The following FANCC variants were observed in gnomAD, a reference collection of about 807,000 sequenced individuals.
The protein encoded by FANCC is FA complementation group C, also known as Fanconi anemia group C protein.
A neutral mutation model predicts 71.3 loss-of-function variants in FANCC; 55 were observed. The observed-to-expected ratio is 0.77, with a 90% CI of 0.62 to 0.97. The LOEUF (loss-of-function observed/expected upper bound fraction) is 0.97. Among genes scored for constraint, FANCC ranks in the 50% least tolerant of loss-of-function variants. The pLI is 0.00. For missense variants in FANCC, 678 were observed against 670.9 expected (o/e 1.01, Z -0.12); for synonymous variants, 275 against 244.9 (o/e 1.12, Z -1.15).
chr9:95,242,479 C>CAAA (rs1162048314), intron 3 of FANCC, among the ~76,000 whole-genome samples: 50 of 56,064 alleles, frequency 8.9e-4, no homozygotes, highest in Admixed American at 1.6e-3. Flanking sequence ...CATTCACCAC[C>CAAA]AAAAAAAAAA....
intron 13 of FANCC, chr9:95,110,475 T>TAATC: frequency 9.7e-7 from 1 of 1,030,312 alleles, no homozygotes; most frequent in Non-Finnish European, 1.2e-6. Flanking sequence ...GCTTTCTTTT[T>TAATC]AATCAGACAG....
chr9:95,249,929 C>A (rs1831224833), intron 1 of FANCC, among the ~76,000 whole-genome samples: 1 of 152,140 alleles, frequency 6.6e-6, no homozygotes, highest in Non-Finnish European at 1.5e-5. Flanking sequence ...TTTAAGCAAT[C>A]TTTTAACTAA....
chr9:95,200,111 A>G (rs1440483072), intron 4 of FANCC, among the ~76,000 whole-genome samples: 1 of 152,194 alleles, frequency 6.6e-6, no homozygotes, highest in Non-Finnish European at 1.5e-5. Flanking sequence ...AGATGAATGC[A>G]AACAGATGCT....
intron 4 of FANCC, among the ~76,000 whole-genome samples, chr9:95,235,431 A>G (rs1830256965): frequency 6.6e-6 from 1 of 152,256 alleles, no homozygotes; most frequent in Non-Finnish European, 1.5e-5. Flanking sequence ...TTACCACCTT[A>G]CACCACACCA....
In FANCC at chr9:95,107,098, C is replaced by T. The variant is rs746540247; in HGVS notation, c.1501G>A (p.Gly501Ser). 13 of 1,614,188 alleles carry T rather than the reference C, an allele frequency of 8.1e-6. No individual in the cohort carries two copies. Among genetic ancestry groups the T allele is most frequent in the Non-Finnish European group, 1.1e-5 (13 of 1,180,032 alleles). ...LLNFLLWAPG[G>S]HTIAWDVITL... Reference sequence around the variant, plus strand: ...ATGACATCCCAGGCGATCGTGTGGCCTCCAGGAGCCCAGAGCAGGAAGTTG... The same window carrying T: ...ATGACATCCCAGGCGATCGTGTGGCTTCCAGGAGCCCAGAGCAGGAAGTTG... The change falls in exon 14 of 15, where the codon GGC becomes AGC. Residue 501 changes from glycine (G) to serine (S), a missense_variant. Transcript: ENST00000289081.
Position 95,125,215 on chromosome 9 carries a change from G to A in FANCC, c.897-30C>T, listed in dbSNP as rs546114675. The A allele has an allele frequency of 1.2e-4, 193 of 1,559,956 alleles. No individual in the cohort carries two copies. The East Asian group carries it at 4.0e-3, about 32-fold the overall frequency. Reference sequence around the variant, plus strand: ...ACAATGCAAAGTCAGATCAGAACACGTTTAACAAGTAATCCGGCAAACATG... The same window carrying A: ...ACAATGCAAAGTCAGATCAGAACACATTTAACAAGTAATCCGGCAAACATG... On this transcript the variant is annotated intron_variant, in intron 9 of 14. Coordinates refer to ENST00000289081, the MANE Select transcript of FANCC (RefSeq NM_000136.3).
At chr9:95,189,191 G>GT (rs369728744) in intron 4 of FANCC, among the ~76,000 whole-genome samples, 2,178 of 148,964 alleles carry the variant, frequency 0.015, 61 homozygotes, top group African/African-American at 0.047. Context: ...TGCCTTCAAT[G>GT]TTTTTTTTTT....
intron 4 of FANCC, among the ~76,000 whole-genome samples, chr9:95,207,770 C>T (rs977944545): frequency 3.3e-5 from 5 of 152,096 alleles, no homozygotes; most frequent in African/African-American, 1.2e-4. Context: ...TAAGAAACAA[C>T]ACAAAGCTGC....
chr9:95,207,255 T>C (rs934086485), intron 4 of FANCC, among the ~76,000 whole-genome samples: 2 of 151,738 alleles, frequency 1.3e-5, no homozygotes, highest in African/African-American at 4.8e-5. Flanking sequence ...AAAGAAACCA[T>C]AAAGAAGAAA....
intron 4 of FANCC, among the ~76,000 whole-genome samples, chr9:95,213,328 CAA>C (rs550192375): frequency 1.6e-3 from 243 of 152,132 alleles, no homozygotes; most frequent in African/African-American, 5.5e-3. Flanking sequence ...AACCATCAAT[CAA>C]AAGAGTTAGA....
chr9:95,218,093 A>G (rs908158435), intron 4 of FANCC, among the ~76,000 whole-genome samples: 1 of 152,222 alleles, frequency 6.6e-6, no homozygotes, highest in African/African-American at 2.4e-5. Context: ...AGGAACCTGC[A>G]ATTTAAAAAC....
At chr9:95,152,842 G>A (rs1247152347) in intron 6 of FANCC, among the ~76,000 whole-genome samples, 2 of 150,350 alleles carry the variant, frequency 1.3e-5, no homozygotes, top group Non-Finnish European at 2.9e-5. Context: ...GTATGCCAGC[G>A]ATGTCCAATC....
At chr9:95,132,103 T>G (rs1012473388) in intron 8 of FANCC, among the ~76,000 whole-genome samples, 1 of 152,190 alleles carries the variant, frequency 6.6e-6, no homozygotes, top group Non-Finnish European at 1.5e-5. Flanking sequence ...TCCTTTCTTT[T>G]GGGGACAAGT....
intron 4 of FANCC, among the ~76,000 whole-genome samples, chr9:95,184,323 T>C (rs987654123): frequency 3.3e-5 from 5 of 151,814 alleles, no homozygotes; most frequent in Admixed American, 3.3e-4. Context: ...ATGGTGAAAA[T>C]TGGCCAATTT....
intron 4 of FANCC, among the ~76,000 whole-genome samples, chr9:95,180,689 T>C (rs1330418196): frequency 1.3e-5 from 2 of 151,850 alleles, no homozygotes; most frequent in African/African-American, 4.8e-5. Context: ...ACAAAAAGTA[T>C]AGTATGTTAA....
chr9:95,143,478 G>A (rs180787498), intron 7 of FANCC, among the ~76,000 whole-genome samples: 5 of 152,242 alleles, frequency 3.3e-5, no homozygotes, highest in Admixed American at 2.0e-4. Context: ...CTACACTCAG[G>A]TGTGGTGAAA....
At chr9:95,178,206 T>G (rs1826131676) in intron 4 of FANCC, among the ~76,000 whole-genome samples, 1 of 152,188 alleles carries the variant, frequency 6.6e-6, no homozygotes, top group African/African-American at 2.4e-5. Context: ...GGCAACTCAC[T>G]GTCCACAAGG....
At chr9:95,223,716 C>T (rs1413876200) in intron 4 of FANCC, among the ~76,000 whole-genome samples, 1 of 152,224 alleles carries the variant, frequency 6.6e-6, no homozygotes, top group Admixed American at 6.5e-5. Context: ...GTGGCTCACA[C>T]CTGTAATCCC....
chr9:95,160,299 T>G (rs1190515315), intron 6 of FANCC, among the ~76,000 whole-genome samples: 3 of 151,992 alleles, frequency 2.0e-5, no homozygotes, highest in East Asian at 3.8e-4. Context: ...TTTCCCCATT[T>G]CTTGCTTTTG....
Sources: gnomAD v4.1 joint callset for allele counts (sites outside exome capture counted in the v4.1 genomes callset) on GRCh38, gnomAD v4.1.1 for gene constraint, MANE v1.5 for transcripts, NCBI Gene and HGNC (gene_info 2026-07-23, HGNC 2026-07-21) for gene names.